The following GRXCR2 variants were observed in gnomAD, a reference collection of about 807,000 sequenced individuals.
The protein encoded by GRXCR2 is glutaredoxin and cysteine rich domain containing 2, also known as glutaredoxin domain-containing cysteine-rich protein 2.
Under a neutral mutation model 24.8 loss-of-function variants are expected in GRXCR2, and 23 were observed. The ratio of observed to expected loss-of-function variants is 0.93; its 90% CI spans 0.67 to 1.32. The LOEUF is 1.32. Among genes scored for constraint, GRXCR2 ranks in the 40% most tolerant of loss-of-function variants. GRXCR2 has a pLI of 0.00. For synonymous variants in GRXCR2, 130 were observed against 116.1 expected (o/e 1.12, Z -0.77); for missense variants, 315 against 303.4 (o/e 1.04, Z -0.28).
At chr5:145,885,006 C>T (rs1293172635) in intron 2 of GRXCR2, among the ~76,000 whole-genome samples, 2 of 151,916 alleles carry the variant, frequency 1.3e-5, no homozygotes, top group African/African-American at 2.4e-5. Flanking sequence ...GCGATCTTTC[C>T]ACATCTAACA....
intron 1 of GRXCR2, among the ~76,000 whole-genome samples, chr5:145,871,994 G>T (rs1402317835): frequency 6.6e-6 from 1 of 152,150 alleles, no homozygotes; most frequent in East Asian, 1.9e-4. Flanking sequence ...ATGGTACTGG[G>T]AAGTAATTGA....
At chr5:145,864,048 C>T (rs340057) in intron 2 of GRXCR2, among the ~76,000 whole-genome samples, 93,621 of 151,926 alleles carry the variant, frequency 0.62, 29,283 homozygotes, top group African/African-American at 0.72. Flanking sequence ...ATCACACAAA[C>T]TAAAGTAAGA....
intron 2 of GRXCR2, among the ~76,000 whole-genome samples, chr5:145,880,066 C>T (rs1457569556): frequency 6.6e-6 from 1 of 152,128 alleles, no homozygotes; most frequent in Non-Finnish European, 1.5e-5. Flanking sequence ...AAATTTATAG[C>T]ACTAAATGCC....
chr5:145,880,756 T>C (rs1418574255), intron 2 of GRXCR2, among the ~76,000 whole-genome samples: 1 of 152,212 alleles, frequency 6.6e-6, no homozygotes, highest in Non-Finnish European at 1.5e-5. Flanking sequence ...ATATCCCTGA[T>C]GAACATGAGT....
At chr5:145,881,529 A>G (rs536712903) in intron 2 of GRXCR2, among the ~76,000 whole-genome samples, 126 of 152,360 alleles carry the variant, frequency 8.3e-4, no homozygotes, top group African/African-American at 3.0e-3. Flanking sequence ...ATAAAAGAGG[A>G]TACAAACAAA....
intron 2 of GRXCR2, among the ~76,000 whole-genome samples, chr5:145,860,847 T>C (rs1756325437): frequency 6.6e-6 from 1 of 152,092 alleles, no homozygotes; most frequent in South Asian, 2.1e-4. Flanking sequence ...AGAGAATATA[T>C]GTAATGCAAT....
chr5:145,876,502 C>A (rs1756620615), upstream of GRXCR2, among the ~76,000 whole-genome samples: 1 of 151,866 alleles, frequency 6.6e-6, no homozygotes, highest in Non-Finnish European at 1.5e-5. Context: ...TTTCTTCTAT[C>A]TCTCCCAGGA....
At chr5:145,925,649 T>G (rs1003431202) in intron 2 of GRXCR2, among the ~76,000 whole-genome samples, 2 of 152,278 alleles carry the variant, frequency 1.3e-5, no homozygotes, top group Non-Finnish European at 2.9e-5. Context: ...CAGACATGGT[T>G]CCTGCACCAT....
intron 2 of GRXCR2, among the ~76,000 whole-genome samples, chr5:145,906,761 A>G (rs1337117806): frequency 6.6e-6 from 1 of 152,224 alleles, no homozygotes; most frequent in Non-Finnish European, 1.5e-5. Flanking sequence ...GAGTGCAAAA[A>G]TAGACAAAAG....
At chr5:145,920,262 G>A (rs1229798341) in intron 2 of GRXCR2, among the ~76,000 whole-genome samples, 5 of 152,150 alleles carry the variant, frequency 3.3e-5, no homozygotes, top group Non-Finnish European at 7.3e-5. Context: ...TCAACGTGTG[G>A]TCCTGGATCC....
At chr5:145,861,261 C>T (rs557772845) in intron 2 of GRXCR2, among the ~76,000 whole-genome samples, 1 of 152,304 alleles carries the variant, frequency 6.6e-6, no homozygotes, top group African/African-American at 2.4e-5. Flanking sequence ...TAGTGATTGT[C>T]ACATAGAAAG....
upstream of GRXCR2, among the ~76,000 whole-genome samples, chr5:145,873,524 CA>C (rs1756566685): frequency 6.6e-6 from 1 of 152,206 alleles, no homozygotes; most frequent in Non-Finnish European, 1.5e-5. Context: ...TGCTCTATTA[CA>C]CCTAAGTAAG....
chr5:145,866,091 G>A (rs983192951), intron 2 of GRXCR2, among the ~76,000 whole-genome samples: 12 of 147,128 alleles, frequency 8.2e-5, no homozygotes, highest in Admixed American at 2.7e-4. Flanking sequence ...CAAAGATCAC[G>A]CCATTGAGAT....
At chr5:145,918,089 T>A (rs546894119) in intron 2 of GRXCR2, among the ~76,000 whole-genome samples, 1 of 152,182 alleles carries the variant, frequency 6.6e-6, no homozygotes, top group South Asian at 2.1e-4. Context: ...GCTGAACTCA[T>A]TAGTCCTCAT....
chr5:145,894,068 ATGT>A (rs2149920151), intron 2 of GRXCR2, among the ~76,000 whole-genome samples: 1 of 152,328 alleles, frequency 6.6e-6, no homozygotes, highest in South Asian at 2.1e-4. Flanking sequence ...AGAAATAAAG[ATGT>A]TCTTTGAAAC....
rs142815402 is a variant in GRXCR2 at position 145,858,619 on chromosome 5, C to A, written c.*1114G>T. 1 of 152,224 alleles carries A rather than the reference C, an allele frequency of 6.6e-6. No homozygotes were observed. The highest frequency in any genetic ancestry group is 1.5e-5 in the Non-Finnish European group (1 of 68,018). 9.4% of individuals were successfully genotyped at this position (152,224 alleles called of 1,614,324 possible). Reference sequence around the variant, plus strand: ...GAATATTAGAGAATAACAAACAAATCTTGAGAAATTATTAAGTTATGAAAT... The same window carrying A: ...GAATATTAGAGAATAACAAACAAATATTGAGAAATTATTAAGTTATGAAAT... On this transcript the variant is annotated 3_prime_UTR_variant, in exon 3 of 3. Transcript: ENST00000377976.
chr5:145,907,693 TC>T (rs1581350715), intron 2 of GRXCR2, among the ~76,000 whole-genome samples: 1 of 152,114 alleles, frequency 6.6e-6, no homozygotes, highest in South Asian at 2.1e-4. Flanking sequence ...CAATAGGAGT[TC>T]CTGGTGAATC....
intron 2 of GRXCR2, among the ~76,000 whole-genome samples, chr5:145,892,760 C>A (rs1436762478): frequency 1.3e-5 from 2 of 152,144 alleles, no homozygotes; most frequent in African/African-American, 2.4e-5. Flanking sequence ...GGCCAACATT[C>A]AAATTCAGGA....
At chr5:145,907,200 G>A (rs1757103908) in intron 2 of GRXCR2, among the ~76,000 whole-genome samples, 1 of 152,114 alleles carries the variant, frequency 6.6e-6, no homozygotes, top group African/African-American at 2.4e-5. Context: ...GGGGAGTTTT[G>A]AGCAGAGGAG....
Sources: gnomAD v4.1 joint callset for allele counts (sites outside exome capture counted in the v4.1 genomes callset) on GRCh38, gnomAD v4.1.1 for gene constraint, MANE v1.5 for transcripts, NCBI Gene and HGNC (gene_info 2026-07-23, HGNC 2026-07-21) for gene names.